Variants in CLSTN2 observed in about 807,000 individuals in gnomAD.
CLSTN2 encodes calsyntenin 2.
CLSTN2 carries 48 observed loss-of-function variants against 101.2 expected under a neutral mutation model. That is an observed-to-expected ratio of 0.47 (90% CI 0.38 to 0.60). CLSTN2 has a LOEUF of 0.60. Among genes scored for constraint, CLSTN2 ranks in the 20% least tolerant of loss-of-function variants. The probability of loss-of-function intolerance (pLI) is 0.00; values close to 1 mark genes in which losing one functional copy is unlikely to be tolerated. For missense variants in CLSTN2, 1,160 were observed against 1,238.2 expected (o/e 0.94, Z 0.95); for synonymous variants, 481 against 463.6 (o/e 1.04, Z -0.48).
At chr3:140,521,106 A>G (rs1343908347) in intron 8 of CLSTN2, among the ~76,000 whole-genome samples, 1 of 111,506 alleles carries the variant, frequency 9.0e-6, no homozygotes, top group Non-Finnish European at 1.9e-5. Flanking sequence ...AGCAAAGTTC[A>G]TTATTACCCA....
At chr3:140,411,348 T>TA (rs1221738060) in intron 4 of CLSTN2, among the ~76,000 whole-genome samples, 1 of 152,134 alleles carries the variant, frequency 6.6e-6, no homozygotes, top group African/African-American at 2.4e-5. Context: ...TATATGATAA[T>TA]AAAAAAAGTA....
chr3:140,251,069 C>T (rs2086559795), intron 2 of CLSTN2, among the ~76,000 whole-genome samples: 1 of 152,160 alleles, frequency 6.6e-6, no homozygotes, highest in Admixed American at 6.5e-5. Flanking sequence ...ACATGTGGGA[C>T]ATGGGAGTGA....
At chr3:140,547,936 T>A (rs916897535) in intron 10 of CLSTN2, among the ~76,000 whole-genome samples, 2 of 152,182 alleles carry the variant, frequency 1.3e-5, no homozygotes, top group East Asian at 3.9e-4. Flanking sequence ...CCTTGGCCAT[T>A]TCCCCAGAGA....
At chr3:140,085,684 T>A (rs1050155433) in intron 1 of CLSTN2, among the ~76,000 whole-genome samples, 1 of 152,144 alleles carries the variant, frequency 6.6e-6, no homozygotes, top group African/African-American at 2.4e-5. Context: ...CTGCTCTACC[T>A]CCTCTGCCCC....
At chr3:140,456,376 C>T (rs560192177) in intron 6 of CLSTN2, among the ~76,000 whole-genome samples, 10 of 152,270 alleles carry the variant, frequency 6.6e-5, no homozygotes, top group South Asian at 2.1e-4. Context: ...GGAATCTTAA[C>T]GATATTCACC....
intron 1 of CLSTN2, among the ~76,000 whole-genome samples, chr3:140,152,667 G>T (rs1272952907): frequency 1.3e-5 from 2 of 152,198 alleles, no homozygotes; most frequent in East Asian, 1.9e-4. Flanking sequence ...CTCATTTGTG[G>T]GTAGGAGCTG....
chr3:140,208,385 T>C (rs979991546), intron 2 of CLSTN2, among the ~76,000 whole-genome samples: 1 of 152,244 alleles, frequency 6.6e-6, no homozygotes, highest in African/African-American at 2.4e-5. Context: ...TAGACTTCAC[T>C]AACTTTATCT....
At chr3:139,944,733 C>A (rs965014632) in intron 1 of CLSTN2, among the ~76,000 whole-genome samples, 3 of 152,240 alleles carry the variant, frequency 2.0e-5, no homozygotes, top group African/African-American at 7.2e-5. Flanking sequence ...CTGCAGGGCT[C>A]TGTGCCCATG....
At chr3:140,528,957 T>C (rs1416476113) in intron 8 of CLSTN2, among the ~76,000 whole-genome samples, 1 of 152,230 alleles carries the variant, frequency 6.6e-6, no homozygotes, top group Non-Finnish European at 1.5e-5. Flanking sequence ...GTAGACATAA[T>C]AGTTGACAGA....
At chr3:140,292,373 T>C (rs769539729) in intron 2 of CLSTN2, among the ~76,000 whole-genome samples, 1 of 152,212 alleles carries the variant, frequency 6.6e-6, no homozygotes, top group Non-Finnish European at 1.5e-5. Context: ...CAGTTAACTA[T>C]GTTGTCAATA....
chr3:140,567,543 C>T lies in CLSTN2; in HGVS notation c.*1290C>T, dbSNP rs1237256412. 1 of 152,184 alleles carries T rather than the reference C, an allele frequency of 6.6e-6. No homozygotes were observed. The highest frequency in any genetic ancestry group is 1.5e-5 in the Non-Finnish European group (1 of 68,032). 9.4% of individuals were successfully genotyped at this position (152,184 alleles called of 1,614,324 possible). A position where few individuals can be genotyped will look rare whatever the true frequency, so the allele number is the denominator to read the frequency against. On this transcript the variant is annotated 3_prime_UTR_variant, in exon 17 of 17. Transcript: ENST00000458420. ...TCCATCTCCATCCTAACATGCACAACCTGTGAAGAGAATTGTTTCTATAGT... is the reference window on the plus strand; with the variant it reads ...TCCATCTCCATCCTAACATGCACAATCTGTGAAGAGAATTGTTTCTATAGT...
chr3:139,966,979 A>G (rs1935611748), intron 1 of CLSTN2, among the ~76,000 whole-genome samples: 1 of 152,146 alleles, frequency 6.6e-6, no homozygotes, highest in African/African-American at 2.4e-5. Flanking sequence ...TGCAAATCAG[A>G]AGAGGAAAAT....
At chr3:140,527,551 C>T (rs1379108973) in intron 8 of CLSTN2, among the ~76,000 whole-genome samples, 1 of 152,156 alleles carries the variant, frequency 6.6e-6, no homozygotes, top group Non-Finnish European at 1.5e-5. Flanking sequence ...TACAATTTGA[C>T]CCAGCAATCC....
At chr3:140,299,324 T>A (rs1012362936) in intron 2 of CLSTN2, among the ~76,000 whole-genome samples, 5 of 152,184 alleles carry the variant, frequency 3.3e-5, no homozygotes, top group African/African-American at 9.6e-5. Flanking sequence ...CCTATAGGAA[T>A]CCTTAGCCAA....
At chr3:140,169,572 C>T (rs2010182146) in intron 1 of CLSTN2, among the ~76,000 whole-genome samples, 1 of 152,166 alleles carries the variant, frequency 6.6e-6, no homozygotes, top group African/African-American at 2.4e-5. Context: ...TTTATTCTTT[C>T]ACCATTAAGT....
intron 1 of CLSTN2, among the ~76,000 whole-genome samples, chr3:140,123,181 C>T (rs1465037411): frequency 8.4e-5 from 8 of 95,242 alleles, no homozygotes; most frequent in African/African-American, 1.7e-4. Flanking sequence ...GGGTGGGGGG[C>T]GGGACATGAA....
At position 140,574,769 on chromosome 3, in the gene CLSTN2, A is replaced by T. The variant is rs1450610881; in HGVS notation, c.*8516A>T. The T allele has an allele frequency of 6.6e-6, 1 of 152,178 alleles. No homozygotes were observed. 9.4% of individuals were successfully genotyped at this position (152,178 alleles called of 1,614,324 possible). A position where few individuals can be genotyped will look rare whatever the true frequency, so the allele number is the denominator to read the frequency against. On this transcript the variant is annotated 3_prime_UTR_variant, in exon 17 of 17. Coordinates refer to ENST00000458420, the MANE Select transcript of CLSTN2 (RefSeq NM_022131.3). ...GAGGGTCCTTTTCCCCGGCAGGAGG[A>T]GCTACCAGAGAAATGAGCCCACATT...
At chr3:140,494,054 T>C (rs1181579129) in intron 8 of CLSTN2, among the ~76,000 whole-genome samples, 2 of 152,234 alleles carry the variant, frequency 1.3e-5, no homozygotes, top group Non-Finnish European at 2.9e-5. Context: ...AAATCTGTTT[T>C]TCTTTAACAA....
rs116888083 is a variant in CLSTN2, at chr3:140,163,576, C to T, written c.110-12375C>T. On this transcript the variant is annotated intron_variant, in intron 1 of 16. Transcript: ENST00000458420. The stretch of plus-strand genomic sequence containing the variant: ...TCTTGGCTATATTGTCTCTTTGTAC[C>T]CTACCAAGCACTTGGTCCACAGTTT... Among the ~76,000 whole-genome samples, 103 of 151,886 alleles carry T rather than the reference C, an allele frequency of 6.8e-4. No individual in the cohort carries two copies. The East Asian group carries it at 0.017, about 25-fold the overall frequency.
Sources: allele counts gnomAD v4.1 joint callset (sites outside exome capture counted in the v4.1 genomes callset), GRCh38; gene constraint gnomAD v4.1.1; transcripts MANE v1.5; gene names NCBI Gene and HGNC (gene_info 2026-07-23, HGNC 2026-07-21).